The following FLYWCH1 variants were observed in gnomAD, a reference collection of about 807,000 sequenced individuals.
FLYWCH1 encodes the protein FLYWCH-type zinc finger-containing protein 1.
A neutral mutation model predicts 66.4 loss-of-function variants in FLYWCH1; 75 were observed. The observed-to-expected ratio is 1.13, with a 90% confidence interval of 0.94 to 1.37. FLYWCH1 has a LOEUF of 1.37. FLYWCH1 is among the 40% of genes most tolerant of loss of function. FLYWCH1 has a pLI of 0.00. For missense variants in FLYWCH1, 1,334 were observed against 1,001.8 expected (o/e 1.33, Z -4.48); for synonymous variants, 595 against 429.9 (o/e 1.38, Z -4.75).
chr16:2,938,262 A>G lies in FLYWCH1; in HGVS notation c.1856A>G (p.Lys619Arg), dbSNP rs1567346241. Residue 619 changes from lysine (K) to arginine (R), a missense_variant, in exon 8 of 10, where the codon AAG becomes AGG. Lys to Arg is a conservative substitution (Grantham distance 26). Transcript: ENST00000253928. ...FLVHESFLYR[K>R]EKAAGEKVYW... ...GTGCACGAGTCCTTCCTCTACAGGA[A>G]GGAGAAGGCGGCTGGGGAGAAGGTG... The G allele has an allele frequency of 6.2e-7, 1 of 1,613,006 alleles. No homozygotes were observed. Among genetic ancestry groups the G allele is most frequent in the African/African-American group, 1.3e-5 (1 of 74,896 alleles).
At chr16:2,934,210 A>G (rs375801655) in intron 6 of FLYWCH1, among the ~76,000 whole-genome samples, 15 of 151,790 alleles carry the variant, frequency 9.9e-5, no homozygotes, top group African/African-American at 3.1e-4. Flanking sequence ...GACCTGCCCC[A>G]CAGTAGCAGC....
intron 2 of FLYWCH1, among the ~76,000 whole-genome samples, chr16:2,921,943 G>A (rs1263980197): frequency 6.6e-6 from 1 of 152,042 alleles, no homozygotes; most frequent in African/African-American, 2.4e-5. Flanking sequence ...CGCGCCTGTA[G>A]TCCCAGCTAC....
chr16:2,932,833 CCTCA>C (rs2070816549), intron 4 of FLYWCH1, among the ~76,000 whole-genome samples: 1 of 151,748 alleles, frequency 6.6e-6, no homozygotes, highest in Non-Finnish European at 1.5e-5. Flanking sequence ...GCTGGGGTGA[CCTCA>C]CTGACAGCTA....
At chr16:2,928,772 C>G (rs1477870542) in intron 2 of FLYWCH1, 1 of 152,376 alleles carries the variant, frequency 6.6e-6, no homozygotes, top group Non-Finnish European at 1.5e-5. Context: ...CCCCAGGCCC[C>G]CACCCCAGCC....
chr16:2,936,033 C>T (rs1348487137), intron 6 of FLYWCH1: 1 of 194,146 alleles, frequency 5.2e-6, no homozygotes, highest in Admixed American at 5.4e-5. Context: ...TCTCAGCCTT[C>T]TGAGTAGCTG....
intron 2 of FLYWCH1, among the ~76,000 whole-genome samples, chr16:2,925,072 T>A (rs2070510710): frequency 6.6e-6 from 1 of 152,232 alleles, no homozygotes; most frequent in Non-Finnish European, 1.5e-5. Context: ...ATGGCGCAGC[T>A]GTGTCCTGCA....
chr16:2,937,234 C>T lies in FLYWCH1; in HGVS notation c.1627C>T (p.Gln543Ter), dbSNP rs2071049161. Residue 543 changes from glutamine (Q) to a stop codon, truncating the protein, a stop_gained, in exon 7 of 10, where the codon CAG becomes TAG. Coordinates refer to ENST00000253928, the MANE Select transcript of FLYWCH1 (RefSeq NM_001308068.2). LOFTEE classifies it high-confidence loss of function. Reference sequence around the variant, plus strand: ...GAAGGTGTATTGGACCTGCCGGGACCAGGCCCGCATGGGCTGCCGCAGCCG... The same window carrying T: ...GAAGGTGTATTGGACCTGCCGGGACTAGGCCCGCATGGGCTGCCGCAGCCG... ...GEKVYWTCRD[Q>*]ARMGCRSRAI... 2 of 1,605,102 alleles carry T rather than the reference C, an allele frequency of 1.2e-6. No individual in the cohort carries two copies. The highest frequency in any genetic ancestry group is 8.5e-7 in the Non-Finnish European group (1 of 1,177,250).
intron 9 of FLYWCH1, among the ~76,000 whole-genome samples, chr16:2,945,317 C>G (rs2071432293): frequency 6.6e-6 from 1 of 151,684 alleles, no homozygotes; most frequent in Non-Finnish European, 1.5e-5. Context: ...AAAATCCCGT[C>G]TCTACTAAAA....
At position 2,933,930 on chromosome 16, in the gene FLYWCH1, CCT is replaced by C; in HGVS notation, c.1465_1466del (p.Leu489GlufsTer172). On this transcript the variant is annotated frameshift_variant, in exon 6 of 10. Transcript: ENST00000253928. LOFTEE classifies it high-confidence loss of function. ...CGCCCGACCTGGGAGGCCTGGAGGC[CCT>C]GAGGCAGCGGGAGAAACGCCCCAAC... The part of the protein sequence containing the change: ...HPPDLGGLEA[L>X]RQREKRPNTA... The C allele has an allele frequency of 6.4e-7, 1 of 1,567,728 alleles. No homozygotes were observed.
chr16:2,924,926 C>T (rs1414541416), intron 2 of FLYWCH1, among the ~76,000 whole-genome samples: 1 of 152,216 alleles, frequency 6.6e-6, no homozygotes, highest in Non-Finnish European at 1.5e-5. Context: ...CAGAGGACTG[C>T]GCTCTCTCCT....
intron 8 of FLYWCH1, among the ~76,000 whole-genome samples, 185 bp downstream of exon 8, chr16:2,938,641 C>G (rs2071127545): frequency 7.7e-6 from 1 of 130,210 alleles, no homozygotes; most frequent in South Asian, 2.4e-4. Context: ...GAGACTGAGT[C>G]TTGCTCTGTT....
chr16:2,929,652 A>G lies in FLYWCH1; in HGVS notation c.-34A>G. ...ACTCCAGGTTCCTTGCTGGGTGCTG[A>G]GCGTGGCCTGAGGGACAGGCCCTGG... On this transcript the variant is annotated 5_prime_UTR_variant, in exon 3 of 10. Transcript: ENST00000253928. 6.3e-7 allele frequency: 1 copy of G among 1,589,576 alleles called. No individual in the cohort carries two copies.
chr16:2,948,623 TTC>T, intron 9 of FLYWCH1, 63 bp from the exon 10 acceptor site: 3 of 1,535,204 alleles, frequency 2.0e-6, no homozygotes, highest in Non-Finnish European at 2.7e-6. Context: ...ATCCTGAACT[TTC>T]TGTGTTATCT....
chr16:2,942,191 C>A (rs1202258546), intron 9 of FLYWCH1, among the ~76,000 whole-genome samples: 1 of 151,956 alleles, frequency 6.6e-6, no homozygotes, highest in Admixed American at 6.6e-5. Flanking sequence ...TTACTATGGA[C>A]CTCATTCTGG....
At chr16:2,943,989 C>T (rs12051164) in intron 9 of FLYWCH1, among the ~76,000 whole-genome samples, 2 of 151,854 alleles carry the variant, frequency 1.3e-5, no homozygotes, top group Admixed American at 6.6e-5. Flanking sequence ...CCAGCTACTT[C>T]GGAGGCTGAG....
At position 2,929,861 on chromosome 16, in the gene FLYWCH1, C is replaced by T; in HGVS notation, c.176C>T (p.Pro59Leu). 2 of 1,613,948 alleles carry T rather than the reference C, an allele frequency of 1.2e-6. No homozygotes were observed. Among genetic ancestry groups the T allele is most frequent in the Non-Finnish European group, 1.7e-6 (2 of 1,179,892 alleles). Residue 59 changes from proline to leucine, a missense_variant, in exon 3 of 10, where the codon CCC becomes CTC. Coordinates refer to ENST00000253928, the MANE Select transcript of FLYWCH1 (RefSeq NM_001308068.2). ...DQDEDGVGSK[P>L]QEVHCVLSLE... Reference sequence around the variant, plus strand: ...GATGAGGATGGGGTGGGATCCAAGCCCCAGGAAGTGCACTGCGTCCTGTCC... The same window carrying T: ...GATGAGGATGGGGTGGGATCCAAGCTCCAGGAAGTGCACTGCGTCCTGTCC...
intron 2 of FLYWCH1, among the ~76,000 whole-genome samples, chr16:2,921,359 T>C (rs1043709801): frequency 9.2e-5 from 14 of 152,114 alleles, no homozygotes; most frequent in Non-Finnish European, 1.8e-4. Context: ...GACTTTTTTT[T>C]TTTTTGCTTC....
chr16:2,946,862 G>A (rs1271227794), intron 9 of FLYWCH1, among the ~76,000 whole-genome samples: 2 of 152,220 alleles, frequency 1.3e-5, no homozygotes, highest in Admixed American at 6.5e-5. Flanking sequence ...TGTTGGTGAC[G>A]ACATGGAGAA....
chr16:2,921,076 C>T (rs140106955), intron 2 of FLYWCH1, among the ~76,000 whole-genome samples: 13 of 148,800 alleles, frequency 8.7e-5, no homozygotes, highest in East Asian at 2.0e-4. Context: ...CTGCTGACCC[C>T]GTGATCTGCC....
Sources: allele counts gnomAD v4.1 joint callset (sites outside exome capture counted in the v4.1 genomes callset), GRCh38; gene constraint gnomAD v4.1.1; transcripts MANE v1.5; gene names NCBI Gene and HGNC (gene_info 2026-07-23, HGNC 2026-07-21).